Variants in DMXL2 observed in about 807,000 individuals in gnomAD.
DMXL2 encodes the protein Dmx like 2.
In DMXL2, 103 loss-of-function variants were observed where a neutral mutation model predicts 331.1. That is an observed-to-expected ratio of 0.31 (90% CI 0.27 to 0.37). DMXL2 has a LOEUF of 0.37. Among genes scored for constraint, DMXL2 ranks in the 10% least tolerant of loss-of-function variants. DMXL2 has a pLI of 1.00. For synonymous variants in DMXL2, 1,281 were observed against 1,252.1 expected (o/e 1.02, Z -0.49); for missense variants, 3,171 against 3,642.9 (o/e 0.87, Z 3.33).
chr15:51,611,827 C>T (rs2053990710), intron 1 of DMXL2, among the ~76,000 whole-genome samples: 1 of 152,122 alleles, frequency 6.6e-6, no homozygotes, highest in African/African-American at 2.4e-5. Flanking sequence ...CACCAATCAG[C>T]AGGATCCTAA....
Position 51,500,094 on chromosome 15 carries a change from C to T in DMXL2, c.3130G>A (p.Glu1044Lys), listed in dbSNP as rs1470029284. 3 of 1,614,050 alleles carry T rather than the reference C, an allele frequency of 1.9e-6. No individual in the cohort carries two copies. Among genetic ancestry groups the T allele is most frequent in the Admixed American group, 3.3e-5 (2 of 60,000 alleles). ...GGCCATCTCTTCCAATGATAAATTT[C>T]TTTCTCATCACTTTTATTACACTCT... is the stretch of plus-strand genomic sequence containing the variant. ...NPECNKSDEK[E>K]IYHWKRWPLM... Residue 1044 changes from glutamate to lysine, a missense_variant, in exon 18 of 44, where the codon GAA becomes AAA. Around this residue, in one of 7 missense-constraint regions of DMXL2, gnomAD observed 1,674 missense variants for 1,780.2 expected, o/e 0.94. Coordinates refer to ENST00000560891, the MANE Select transcript of DMXL2 (RefSeq NM_001378457.1).
At chr15:51,582,590 C>A (rs116283035) in intron 1 of DMXL2, among the ~76,000 whole-genome samples, 2,852 of 152,232 alleles carry the variant, frequency 0.019, 89 homozygotes, top group African/African-American at 0.064. Context: ...CAGGAAAACA[C>A]CCATTCCTTC....
chr15:51,523,599 T>TTCTGTA (rs2047501614), intron 13 of DMXL2, among the ~76,000 whole-genome samples: 1 of 152,214 alleles, frequency 6.6e-6, no homozygotes, highest in Non-Finnish European at 1.5e-5. Flanking sequence ...CAAAATCTAA[T>TTCTGTA]GACTTCTGTC....
At chr15:51,622,092 C>G (rs561908035) in intron 1 of DMXL2, among the ~76,000 whole-genome samples, 1 of 152,186 alleles carries the variant, frequency 6.6e-6, no homozygotes, top group Non-Finnish European at 1.5e-5. Context: ...TTCGCCTCCA[C>G]GCCGAGAGCA....
chr15:51,525,524 C>G (rs1053642834), intron 13 of DMXL2, among the ~76,000 whole-genome samples: 2 of 152,112 alleles, frequency 1.3e-5, no homozygotes, highest in African/African-American at 4.8e-5. Context: ...CTGGCTCTTA[C>G]AGCATTTCTG....
chr15:51,460,353 A>G (rs750097644), intron 33 of DMXL2: 5 of 985,412 alleles, frequency 5.1e-6, no homozygotes, highest in Non-Finnish European at 6.0e-6. Context: ...CCATGCCTCC[A>G]GGGACTCCCC....
intron 1 of DMXL2, among the ~76,000 whole-genome samples, chr15:51,605,413 C>T (rs1232794311): frequency 6.6e-6 from 1 of 150,904 alleles, no homozygotes; most frequent in East Asian, 2.0e-4. Context: ...GTTGGCCAGG[C>T]TGGTCTCGAA....
At chr15:51,602,534 A>C (rs2053298809) in intron 1 of DMXL2, among the ~76,000 whole-genome samples, 1 of 152,192 alleles carries the variant, frequency 6.6e-6, no homozygotes, top group Non-Finnish European at 1.5e-5. Flanking sequence ...GTACCAGGAA[A>C]GTCACAGAAA....
At chr15:51,571,055 C>T (rs990902264) in intron 2 of DMXL2, among the ~76,000 whole-genome samples, 5 of 151,920 alleles carry the variant, frequency 3.3e-5, no homozygotes, top group African/African-American at 9.7e-5. Context: ...CACATGCAGA[C>T]ACACATACAG....
At chr15:51,522,673 TAAAC>T (rs1320374898) in intron 13 of DMXL2, among the ~76,000 whole-genome samples, 5 of 151,920 alleles carry the variant, frequency 3.3e-5, no homozygotes, top group African/African-American at 9.7e-5. Context: ...AATAAATAAA[TAAAC>T]AAACAAGCCA....
intron 1 of DMXL2, among the ~76,000 whole-genome samples, chr15:51,585,359 A>T (rs2414107): frequency 0.48 from 71,703 of 150,068 alleles, 17,461 homozygotes; most frequent in Non-Finnish European, 0.52. Flanking sequence ...ATTTTGTCAA[A>T]GGCTTTTTCT....
chr15:51,579,730 TAAGAA>T (rs1398802295), intron 1 of DMXL2, among the ~76,000 whole-genome samples: 3 of 152,156 alleles, frequency 2.0e-5, no homozygotes, highest in African/African-American at 4.8e-5. Context: ...CTCATAAGCT[TAAGAA>T]AAGAGGGAGA....
At chr15:51,580,506 G>C (rs1050429464) in intron 1 of DMXL2, among the ~76,000 whole-genome samples, 14 of 152,138 alleles carry the variant, frequency 9.2e-5, no homozygotes, top group Non-Finnish European at 2.1e-4. Flanking sequence ...ATCCCTCCTT[G>C]GATTCTTTGT....
intron 7 of DMXL2, among the ~76,000 whole-genome samples, 165 bp from the exon 8 acceptor site, chr15:51,545,931 A>AT (rs1286018871): frequency 6.6e-6 from 1 of 152,188 alleles, no homozygotes; most frequent in Non-Finnish European, 1.5e-5. Context: ...TGTGAACATC[A>AT]TAAGAACCGG....
chr15:51,585,601 G>A lies in DMXL2; in HGVS notation c.88-9420C>T, dbSNP rs116767217. ...ATAAATTCTAAGATATAATATGCTG[G>A]ATCAGTGATTAAAATTAATTGCAAC... On this transcript the variant is annotated intron_variant, in intron 1 of 43. Transcript: ENST00000560891. Among the ~76,000 whole-genome samples, 342 of 152,102 alleles carry A rather than the reference G, an allele frequency of 2.2e-3. 3 individuals carry two copies. Among genetic ancestry groups the A allele is most frequent in the African/African-American group, 7.9e-3 (329 of 41,410 alleles).
chr15:51,563,258 G>T, intron 6 of DMXL2, 123 bp downstream of exon 6: 2 of 799,672 alleles, frequency 2.5e-6, no homozygotes, highest in Non-Finnish European at 1.9e-6. Context: ...TATTCTTCAG[G>T]CCAGCTTTGC....
intron 1 of DMXL2, among the ~76,000 whole-genome samples, chr15:51,604,793 T>TA (rs952732036): frequency 5.3e-5 from 8 of 151,828 alleles, no homozygotes; most frequent in Non-Finnish European, 1.0e-4. Flanking sequence ...AAAACAATTG[T>TA]AAAAAAAGAG....
At chr15:51,577,716 T>C (rs2051141803) in intron 1 of DMXL2, among the ~76,000 whole-genome samples, 1 of 152,206 alleles carries the variant, frequency 6.6e-6, no homozygotes, top group Admixed American at 6.6e-5. Context: ...ACGTGCCTTA[T>C]ATCATTATCT....
At chr15:51,450,442 G>A (rs1281121221) in intron 42 of DMXL2, 96 bp from the exon 43 acceptor site, 3 of 1,134,028 alleles carry the variant, frequency 2.6e-6, no homozygotes, top group East Asian at 2.4e-5. Flanking sequence ...CCTTACTGAT[G>A]CATTTTTCAT....
Sources: allele counts gnomAD v4.1 joint callset (sites outside exome capture counted in the v4.1 genomes callset), GRCh38; gene constraint gnomAD v4.1.1; regional missense constraint gnomAD v4.1.1; transcripts MANE v1.5; gene names NCBI Gene and HGNC (gene_info 2026-07-23, HGNC 2026-07-21).